The following TNR variants were observed in gnomAD, a reference collection of about 807,000 sequenced individuals.
TNR encodes tenascin-R.
Under a neutral mutation model 150.4 loss-of-function variants are expected in TNR, and 45 were observed. The observed-to-expected ratio is 0.30, with a 90% CI of 0.24 to 0.38. The LOEUF (loss-of-function observed/expected upper bound fraction) is 0.38. Ranked by LOEUF, TNR falls within the 10% of genes least tolerant of loss-of-function variation. TNR has a pLI of 1.00. For synonymous variants in TNR, 687 were observed against 678.4 expected, an observed-to-expected ratio of 1.01 and a Z score of -0.20; for missense variants, 1,544 against 1,759.1, an observed-to-expected ratio of 0.88 and a Z score of 2.19.
chr1:175,667,216 T>C (rs919592018), intron 1 of TNR, among the ~76,000 whole-genome samples: 1 of 152,206 alleles, frequency 6.6e-6, no homozygotes, highest in African/African-American at 2.4e-5. Context: ...CCATCCTCTG[T>C]GCTCTCCCCA....
intron 1 of TNR, among the ~76,000 whole-genome samples, chr1:175,568,822 T>C (rs999465872): frequency 2.6e-5 from 4 of 152,194 alleles, no homozygotes; most frequent in Admixed American, 2.0e-4. Context: ...TGAAATGGAA[T>C]ACAATGAAGG....
At chr1:175,577,412 G>T (rs1263354672) in intron 1 of TNR, among the ~76,000 whole-genome samples, 1 of 152,136 alleles carries the variant, frequency 6.6e-6, no homozygotes, top group East Asian at 1.9e-4. Flanking sequence ...GGGCCATGAC[G>T]GTTCCATTTC....
At chr1:175,724,453 T>G (rs1667423787) in intron 1 of TNR, among the ~76,000 whole-genome samples, 1 of 152,168 alleles carries the variant, frequency 6.6e-6, no homozygotes, top group African/African-American at 2.4e-5. Context: ...ACATTCATGA[T>G]AAATCTATTC....
intron 2 of TNR, among the ~76,000 whole-genome samples, chr1:175,439,154 A>C (rs1246560411): frequency 1.3e-5 from 2 of 152,318 alleles, no homozygotes; most frequent in East Asian, 1.9e-4. Context: ...CCAAAACAGC[A>C]TGGTACTGGT....
intron 5 of TNR, among the ~76,000 whole-genome samples, chr1:175,395,315 T>C (rs1653372611): frequency 6.6e-6 from 1 of 152,202 alleles, no homozygotes; most frequent in South Asian, 2.1e-4. Flanking sequence ...TTTTCTGAAC[T>C]TTCGTGGCAT....
At chr1:175,594,666 G>A (rs540327335) in intron 1 of TNR, among the ~76,000 whole-genome samples, 17 of 151,670 alleles carry the variant, frequency 1.1e-4, no homozygotes, top group African/African-American at 4.1e-4. Context: ...ACCAGCCTGG[G>A]CAACACAGCA....
At chr1:175,737,160 C>T (rs1248293220) in intron 1 of TNR, among the ~76,000 whole-genome samples, 1 of 152,238 alleles carries the variant, frequency 6.6e-6, no homozygotes, top group Admixed American at 6.5e-5. Context: ...GTTAGCCTCT[C>T]TGAACCCCTC....
chr1:175,417,334 G>A (rs1224408944), intron 2 of TNR, among the ~76,000 whole-genome samples: 1 of 152,108 alleles, frequency 6.6e-6, no homozygotes, highest in African/African-American at 2.4e-5. Flanking sequence ...GTGGGCAGTG[G>A]GTGGGAGAGG....
chr1:175,395,809 G>T (rs927311927), intron 5 of TNR, among the ~76,000 whole-genome samples: 2 of 152,058 alleles, frequency 1.3e-5, no homozygotes, highest in Non-Finnish European at 2.9e-5. Flanking sequence ...GTTAATAATT[G>T]TTATGTAATC....
intron 1 of TNR, among the ~76,000 whole-genome samples, chr1:175,639,093 C>G (rs1027869419): frequency 6.6e-6 from 1 of 152,190 alleles, no homozygotes; most frequent in Admixed American, 6.5e-5. Context: ...TAACCAGCAT[C>G]TCTCATGGAA....
chr1:175,340,287 C>T (rs866387568), intron 18 of TNR, among the ~76,000 whole-genome samples: 8 of 152,152 alleles, frequency 5.3e-5, no homozygotes, highest in Admixed American at 1.3e-4. Flanking sequence ...GTGCGCTTGC[C>T]TTCCCTTTGA....
intron 1 of TNR, among the ~76,000 whole-genome samples, chr1:175,643,364 C>T (rs1664721168): frequency 6.6e-6 from 1 of 152,198 alleles, no homozygotes; most frequent in Non-Finnish European, 1.5e-5. Context: ...GGCTTTTAAA[C>T]CATCACTGGG....
At chr1:175,330,998 A>ATTCTTTCTTTCTTTCTTTCTTTCTTTCT (rs764826338) in intron 20 of TNR, among the ~76,000 whole-genome samples, 1 of 72,768 alleles carries the variant, frequency 1.4e-5, no homozygotes, top group Non-Finnish European at 2.9e-5. Flanking sequence ...CCTCTTGGTG[A>ATTCTTTCTTTCTTTCTTTCTTTCTTTCT]TTCTTTCTTT....
In TNR at chr1:175,391,345, C is replaced by T. The variant is rs1430810638; in HGVS notation, c.1450G>A (p.Val484Met). 1.2e-6 allele frequency: 2 copies of T among 1,614,204 alleles called. No homozygotes were observed. The highest frequency in any genetic ancestry group is 1.7e-5 in the Admixed American group (1 of 60,030). The change falls in exon 7 of 23, where the codon GTG becomes ATG. Residue 484 changes from valine (V) to methionine (M), a missense_variant. By Grantham distance (21) the Val-to-Met change is conservative. Transcript: ENST00000367674. ...CGGGCCTGTTCTTTCAGAGCCACCA[C>T]ATTGACAATGTATTCCTCCCCAGGC... ...LKPGEEYIVN[V>M]VALKEQARSP...
intron 2 of TNR, among the ~76,000 whole-genome samples, chr1:175,500,606 T>C (rs1337884635): frequency 6.6e-6 from 1 of 152,230 alleles, no homozygotes; most frequent in Admixed American, 6.5e-5. Flanking sequence ...GCTAGAGTTT[T>C]GTTTTAAAAG....
chr1:175,626,255 G>T (rs1341281349), intron 1 of TNR, among the ~76,000 whole-genome samples: 1 of 152,124 alleles, frequency 6.6e-6, no homozygotes, highest in African/African-American at 2.4e-5. Context: ...ATACATTCCT[G>T]TTCGTCTTCC....
At position 175,595,179 on chromosome 1, in the gene TNR, T is replaced by C. The variant is rs145639887; in HGVS notation, c.-164-66810A>G. On this transcript the variant is annotated intron_variant, in intron 1 of 22. Transcript: ENST00000367674. ...GAGACTCCATCTCAAAAAAAAATTA[T>C]TTTAGGATAGGAATAATTGAATCAT... Among the ~76,000 whole-genome samples the C allele has an allele frequency of 8.1e-3, 1,232 of 152,128 alleles. 16 individuals carry two copies. The highest frequency in any genetic ancestry group is 0.027 in the African/African-American group (1,135 of 41,500).
chr1:175,437,234 C>T (rs1000601285), intron 2 of TNR, among the ~76,000 whole-genome samples: 15 of 152,148 alleles, frequency 9.9e-5, no homozygotes, highest in Admixed American at 2.0e-4. Flanking sequence ...CACTCAAAAC[C>T]GCTCAACTAC....
intron 7 of TNR, among the ~76,000 whole-genome samples, chr1:175,390,128 A>T (rs1289713631): frequency 2.0e-5 from 3 of 152,234 alleles, no homozygotes; most frequent in Non-Finnish European, 4.4e-5. Flanking sequence ...CTACTGCCAC[A>T]ATAGTTCTGA....
Sources: gnomAD v4.1 joint callset for allele counts (sites outside exome capture counted in the v4.1 genomes callset) on GRCh38, gnomAD v4.1.1 for gene constraint, MANE v1.5 for transcripts, NCBI Gene and HGNC (gene_info 2026-07-23, HGNC 2026-07-21) for gene names.